CDH8: variants seen among roughly 807,000 people sequenced by gnomAD.
The protein encoded by CDH8 is cadherin-8.
A neutral mutation model predicts 68.1 loss-of-function variants in CDH8; 17 were observed. The observed-to-expected ratio is 0.25, with a 90% CI of 0.17 to 0.37. CDH8 has a LOEUF of 0.37. Among genes scored for constraint, CDH8 ranks in the 10% least tolerant of loss-of-function variants. The pLI is 1.00. For synonymous variants in CDH8, 372 were observed against 365.1 expected, an observed-to-expected ratio of 1.02 and a Z score of -0.21; for missense variants, 763 against 999.3, an observed-to-expected ratio of 0.76 and a Z score of 3.19.
chr16:61,809,414 A>G (rs560507864), intron 7 of CDH8, among the ~76,000 whole-genome samples: 1 of 152,204 alleles, frequency 6.6e-6, no homozygotes, highest in South Asian at 2.1e-4. Context: ...GGAGGACATC[A>G]CATACCTGTG....
At chr16:61,900,736 CCTAATATCTGGCTGACTA>C (rs923241217) in intron 3 of CDH8, among the ~76,000 whole-genome samples, 6 of 152,098 alleles carry the variant, frequency 3.9e-5, no homozygotes, top group Non-Finnish European at 8.8e-5. Flanking sequence ...ACTAGAGCAA[CCTAATATCTGGCTGACTA>C]CAGACCTAGA....
chr16:61,681,767 C>T (rs1964016877), intron 10 of CDH8, among the ~76,000 whole-genome samples: 1 of 151,880 alleles, frequency 6.6e-6, no homozygotes, highest in African/African-American at 2.4e-5. Context: ...GCAGCATATT[C>T]TAACCCTTTG....
At chr16:62,017,663 A>G (rs1901974429) in intron 2 of CDH8, among the ~76,000 whole-genome samples, 1 of 152,204 alleles carries the variant, frequency 6.6e-6, no homozygotes, top group African/African-American at 2.4e-5. Flanking sequence ...TGACAGAGCA[A>G]GACCTTATCT....
At chr16:61,860,361 G>C (rs1251398247) in intron 3 of CDH8, among the ~76,000 whole-genome samples, 1 of 152,090 alleles carries the variant, frequency 6.6e-6, no homozygotes, top group Non-Finnish European at 1.5e-5. Context: ...GCACAAGACA[G>C]ACTAAGACAG....
chr16:61,671,462 C>G (rs1317087123), intron 10 of CDH8, among the ~76,000 whole-genome samples: 4 of 140,432 alleles, frequency 2.8e-5, no homozygotes, highest in African/African-American at 8.2e-5. Flanking sequence ...AAAATAGCTG[C>G]TAAAAAAAAA....
At chr16:62,013,803 T>C (rs369536950) in intron 2 of CDH8, among the ~76,000 whole-genome samples, 2 of 152,338 alleles carry the variant, frequency 1.3e-5, no homozygotes, top group East Asian at 3.9e-4. Context: ...CTTGTTTTTT[T>C]ATACTGACTA....
intron 4 of CDH8, among the ~76,000 whole-genome samples, chr16:61,825,533 A>C (rs1456054124): frequency 1.3e-5 from 2 of 151,918 alleles, no homozygotes; most frequent in African/African-American, 4.8e-5. Flanking sequence ...AGAATTCTCC[A>C]ATTTATCACA....
At chr16:61,664,577 C>T (rs1355395014) in intron 10 of CDH8, among the ~76,000 whole-genome samples, 1 of 151,772 alleles carries the variant, frequency 6.6e-6, no homozygotes, top group African/African-American at 2.4e-5. Flanking sequence ...GCATATATAT[C>T]CTGGGTTTGT....
intron 8 of CDH8, among the ~76,000 whole-genome samples, chr16:61,769,577 C>T (rs1355010907): frequency 2.6e-5 from 4 of 151,560 alleles, no homozygotes; most frequent in Admixed American, 2.6e-4. Context: ...TGTCTCATTT[C>T]ATCCACATAC....
chr16:61,904,221 G>A (rs938619033), intron 2 of CDH8, among the ~76,000 whole-genome samples: 55 of 152,280 alleles, frequency 3.6e-4, no homozygotes, highest in African/African-American at 1.3e-3. Context: ...AGAGAGCAAC[G>A]TCACCTGAGG....
At chr16:62,036,025 C>T (rs901500452) in intron 1 of CDH8, 55 bp downstream of exon 1, 4 of 152,272 alleles carry the variant, frequency 2.6e-5, no homozygotes, top group African/African-American at 9.6e-5. Flanking sequence ...GAAACGGTCC[C>T]TTCTGGATAG....
chr16:61,820,897 G>C (rs777400234), intron 6 of CDH8, 29 bp downstream of exon 6: 1 of 1,577,942 alleles, frequency 6.3e-7, no homozygotes, highest in Admixed American at 1.8e-5. Flanking sequence ...AAGATATTTT[G>C]AAGATGAACA....
At chr16:61,694,020 C>G (rs1964281596) in intron 10 of CDH8, among the ~76,000 whole-genome samples, 1 of 152,084 alleles carries the variant, frequency 6.6e-6, no homozygotes, top group Admixed American at 6.5e-5. Flanking sequence ...ACTAACCCCA[C>G]CTCACAAATG....
In CDH8 at chr16:61,653,078, G is replaced by A. The variant is rs1963360629; in HGVS notation, c.*530C>T. Reference sequence around the variant, plus strand: ...ATGTACAATGTGTGGTCACCGTACTGTATAATCTAGGAGGCCTCTCAAAAC... The same window carrying A: ...ATGTACAATGTGTGGTCACCGTACTATATAATCTAGGAGGCCTCTCAAAAC... On this transcript the variant is annotated 3_prime_UTR_variant, in exon 12 of 12. Coordinates refer to ENST00000577390, the MANE Select transcript of CDH8 (RefSeq NM_001796.5). 1 of 1,295,652 alleles carries A rather than the reference G, an allele frequency of 7.7e-7. No homozygotes were observed. The highest frequency in any genetic ancestry group is 9.8e-7 in the Non-Finnish European group (1 of 1,023,272). 80.3% of individuals were successfully genotyped at this position (1,295,652 alleles called of 1,614,324 possible). A position where few individuals can be genotyped will look rare whatever the true frequency, so the allele number is the denominator to read the frequency against.
Position 61,820,973 on chromosome 16 carries a change from T to A in CDH8, c.976A>T (p.Ile326Phe). The A allele has an allele frequency of 6.2e-7, 1 of 1,612,804 alleles. No homozygotes were observed. Among genetic ancestry groups the A allele is most frequent in the Non-Finnish European group, 8.5e-7 (1 of 1,179,204 alleles). ...TCCTGGGCCTGGGCATCAGAAGTGA[T>A]TTCAAAAAGTGCTGTTCCATCTCCA... ...IDGDGTALFE[I>F]TSDAQAQDGI... Residue 326 changes from isoleucine (I) to phenylalanine (F), a missense_variant, in exon 6 of 12, where the codon ATC (isoleucine) becomes TTC (phenylalanine). Around this residue, in one of 2 missense-constraint regions of CDH8, gnomAD observed 366 missense variants for 563.1 expected, o/e 0.65. Coordinates refer to ENST00000577390, the MANE Select transcript of CDH8 (RefSeq NM_001796.5).
At chr16:61,812,228 T>A (rs1227495012) in intron 7 of CDH8, among the ~76,000 whole-genome samples, 1 of 152,180 alleles carries the variant, frequency 6.6e-6, no homozygotes, top group Non-Finnish European at 1.5e-5. Context: ...ATATCATGAA[T>A]CTAAAGACTG....
chr16:61,682,089 A>G (rs1396004222), intron 10 of CDH8, among the ~76,000 whole-genome samples: 1 of 151,916 alleles, frequency 6.6e-6, no homozygotes, highest in African/African-American at 2.4e-5. Context: ...TTACTCTTCT[A>G]TAACAAAAAA....
chr16:61,756,141 A>C (rs903838179), intron 8 of CDH8, among the ~76,000 whole-genome samples: 1 of 152,014 alleles, frequency 6.6e-6, no homozygotes, highest in East Asian at 1.9e-4. Context: ...TTTTGTAACC[A>C]AGTTGTTACT....
intron 8 of CDH8, among the ~76,000 whole-genome samples, chr16:61,759,088 T>C (rs1358685859): frequency 6.6e-6 from 1 of 152,140 alleles, no homozygotes; most frequent in Non-Finnish European, 1.5e-5. Context: ...CACAGCAGAT[T>C]CACGAGGTGT....
Sources: allele counts gnomAD v4.1 joint callset (sites outside exome capture counted in the v4.1 genomes callset), GRCh38; gene constraint gnomAD v4.1.1; regional missense constraint gnomAD v4.1.1; transcripts MANE v1.5; gene names NCBI Gene and HGNC (gene_info 2026-07-23, HGNC 2026-07-21).